The following FRMPD1 variants were observed in gnomAD, a reference collection of about 807,000 sequenced individuals.
FRMPD1 encodes FERM and PDZ domain containing 1.
In FRMPD1, 76 loss-of-function variants were observed where a neutral mutation model predicts 117.8. That is an observed-to-expected ratio of 0.65 (90% CI 0.54 to 0.78). FRMPD1 has a LOEUF of 0.78. FRMPD1 is among the 30% of genes least tolerant of loss of function. FRMPD1 has a pLI of 0.00. For missense variants in FRMPD1, 1,786 were observed against 1,964.5 expected (o/e 0.91, Z 1.72); for synonymous variants, 783 against 770.4 (o/e 1.02, Z -0.27).
chr9:37,712,755 C>A (rs1466973030), intron 5 of FRMPD1, among the ~76,000 whole-genome samples: 2 of 151,944 alleles, frequency 1.3e-5, no homozygotes, highest in Non-Finnish European at 2.9e-5. Flanking sequence ...AGAAGTAAAT[C>A]AATTAAATAT....
At chr9:37,699,924 C>CAT (rs1313155148) in intron 2 of FRMPD1, among the ~76,000 whole-genome samples, 1 of 152,094 alleles carries the variant, frequency 6.6e-6, no homozygotes, top group Non-Finnish European at 1.5e-5. Context: ...CACACATATA[C>CAT]ACACATTTTG....
rs576316095 is a variant in FRMPD1, at chr9:37,654,998, C to T, written c.-5+3904C>T. 7.4e-4 allele frequency among the ~76,000 whole-genome samples: 112 copies of T among 152,276 alleles called. 2 individuals are homozygous for T. Among genetic ancestry groups the T allele is most frequent in the African/African-American group, 2.4e-3 (99 of 41,558 alleles). On this transcript the variant is annotated intron_variant, in intron 1 of 15. Transcript: ENST00000377765. ...CTTTCCCTCCCTCCTTCCCTGCCCC[C>T]GGAGGTGCTCATTGATGCATAAAGG... is the stretch of plus-strand genomic sequence containing the variant.
intron 2 of FRMPD1, among the ~76,000 whole-genome samples, chr9:37,704,298 A>G (rs1822626047): frequency 2.6e-5 from 4 of 152,234 alleles, no homozygotes; most frequent in Admixed American, 2.6e-4. Flanking sequence ...GAAAGAATGC[A>G]AAATCTCTCA....
chr9:37,696,870 T>C (rs1822340801), intron 2 of FRMPD1, among the ~76,000 whole-genome samples: 1 of 152,228 alleles, frequency 6.6e-6, no homozygotes, highest in Non-Finnish European at 1.5e-5. Context: ...GGCATTTTTT[T>C]CCCATAAAAT....
the FRMPD1 span, among the ~76,000 whole-genome samples, chr9:37,637,975 T>TCTTTCTTTCTTTCTTTC: frequency 6.2e-5 from 6 of 97,146 alleles, 1 homozygote; most frequent in African/African-American, 2.3e-4. Context: ...TTTCTTTCTT[T>TCTTTCTTTCTTTCTTTC]CTTTCTTTCT....
In FRMPD1 at chr9:37,717,057, A is replaced by G. The variant is rs140453502; in HGVS notation, c.409-2012A>G. 2.8e-4 allele frequency among the ~76,000 whole-genome samples: 43 copies of G among 152,254 alleles called. 1 individual carries two copies. The highest frequency in any genetic ancestry group is 9.1e-4 in the African/African-American group (38 of 41,540). ...ATCAACTAGTTTATGAATCCACCTA[A>G]TGGCACTGCATCTGGCCTTTTCCAC... On this transcript the variant is annotated intron_variant, in intron 5 of 15. Transcript: ENST00000377765.
intron 7 of FRMPD1, among the ~76,000 whole-genome samples, chr9:37,725,221 C>T (rs897257388): frequency 2.0e-5 from 3 of 152,150 alleles, no homozygotes; most frequent in Non-Finnish European, 4.4e-5. Flanking sequence ...TAGATAATAT[C>T]GTATGGTGCT....
intron 7 of FRMPD1, among the ~76,000 whole-genome samples, chr9:37,729,382 CAAAAAAA>C (rs60967717): frequency 5.5e-5 from 3 of 54,716 alleles, no homozygotes; most frequent in African/African-American, 2.7e-4. Context: ...GAGACCCTCT[CAAAAAAA>C]AAAAAAAAAA....
In FRMPD1 at chr9:37,739,922, G is replaced by A. The variant is rs12554544; in HGVS notation, c.1550-156G>A. 2.6e-3 allele frequency among the ~76,000 whole-genome samples: 390 copies of A among 152,280 alleles called. 2 individuals are homozygous for A. The Middle Eastern group carries it at 0.034, about 13-fold the overall frequency. ...GAGAACATGGAAGCTGGAGTCCCTC[G>A]GATCCCGTGTTCGTCAGTATAGGAC... On this transcript the variant is annotated intron_variant, in intron 14 of 15. Transcript: ENST00000377765.
chr9:37,612,476 G>A, the FRMPD1 span, among the ~76,000 whole-genome samples: 1 of 150,024 alleles, frequency 6.7e-6, no homozygotes, highest in East Asian at 2.0e-4. Context: ...AGCCTCCCAA[G>A]TAACTGGGAT....
At position 37,707,580 on chromosome 9, in the gene FRMPD1, G is replaced by C; in HGVS notation, c.259+7G>C. The C allele has an allele frequency of 6.2e-7, 1 of 1,611,414 alleles. No homozygotes were observed. Among genetic ancestry groups the C allele is most frequent in the South Asian group, 1.1e-5 (1 of 90,784 alleles). ...GTGGTGGCTGTCACAGCAGGTAGGGGATGACTGGGAAATGAGAAAGGAGTT... is the reference window on the plus strand; with the variant it reads ...GTGGTGGCTGTCACAGCAGGTAGGGCATGACTGGGAAATGAGAAAGGAGTT... On this transcript the variant is annotated splice_region_variant and intron_variant, in intron 3 of 15. Transcript: ENST00000377765.
chr9:37,692,676 G>A lies in FRMPD1; in HGVS notation c.35G>A (p.Arg12Gln), dbSNP rs752579828. 3.0e-5 allele frequency: 48 copies of A among 1,613,632 alleles called. No homozygotes were observed. Among genetic ancestry groups the A allele is most frequent in the Middle Eastern group, 1.6e-4 (1 of 6,084 alleles). Residue 12 changes from arginine (R) to glutamine (Q), a missense_variant, in exon 2 of 16, where the codon CGG becomes CAG. By Grantham distance (43) the Arg-to-Gln change is conservative (BLOSUM62 1). Coordinates refer to ENST00000377765, the MANE Select transcript of FRMPD1 (RefSeq NM_014907.3). ...CTGGAGACCAGTTTATTCCAGACAC[G>A]GAAAGCACATAGAATAGAACAAATG... Reference protein sequence around the residue: ...EELETSLFQTRKAHRIEQMVA... With the variant: ...EELETSLFQTQKAHRIEQMVA...
chr9:37,721,504 G>GA (rs1271071618), intron 6 of FRMPD1, among the ~76,000 whole-genome samples: 1 of 152,114 alleles, frequency 6.6e-6, no homozygotes, highest in Admixed American at 6.5e-5. Context: ...CACAAATAGA[G>GA]AAAAAATGTA....
chr9:37,727,021 C>T (rs1046836521), intron 7 of FRMPD1, among the ~76,000 whole-genome samples: 6 of 152,192 alleles, frequency 3.9e-5, no homozygotes, highest in Non-Finnish European at 5.9e-5. Flanking sequence ...CATCCGGGCA[C>T]GGCGAACAAC....
At chr9:37,629,084 A>G in the FRMPD1 span, among the ~76,000 whole-genome samples, 1 of 152,192 alleles carries the variant, frequency 6.6e-6, no homozygotes, top group South Asian at 2.1e-4. Context: ...CTGTGGTCCC[A>G]GCTACTCAGG....
Position 37,740,270 on chromosome 9 carries a change from CGACA to C in FRMPD1, c.1748_1751del (p.Asp583ValfsTer34). 1.2e-6 allele frequency: 2 copies of C among 1,613,810 alleles called. No individual in the cohort carries two copies. Among genetic ancestry groups the C allele is most frequent in the Non-Finnish European group, 8.5e-7 (1 of 1,179,966 alleles). ...CCCAGCACCTGCGGGGCCAGCAGCACGACAGACAGTGCCGAGTCCGAGGCGTCCG... is the reference window on the plus strand; with the variant it reads ...CCCAGCACCTGCGGGGCCAGCAGCACGACAGTGCCGAGTCCGAGGCGTCCG... On this transcript the variant is annotated frameshift_variant, in exon 15 of 16. Coordinates refer to ENST00000377765, the MANE Select transcript of FRMPD1 (RefSeq NM_014907.3). LOFTEE classifies it high-confidence loss of function. The surrounding 1 kb of genome is among the most constrained non-coding windows in gnomAD (Gnocchi z 4.2).
At chr9:37,638,002 T>TCTC in the FRMPD1 span, among the ~76,000 whole-genome samples, 1 of 126,698 alleles carries the variant, frequency 7.9e-6, no homozygotes, top group Non-Finnish European at 1.7e-5. Context: ...CTTTCTTTCT[T>TCTC]TCTTTCTTTC....
At chr9:37,686,283 G>A (rs1821939428) in intron 1 of FRMPD1, among the ~76,000 whole-genome samples, 1 of 152,114 alleles carries the variant, frequency 6.6e-6, no homozygotes, top group South Asian at 2.1e-4. Flanking sequence ...GTGGCCAGAG[G>A]GCAGCATTGG....
In FRMPD1 at chr9:37,719,177, G is replaced by T. The variant is rs1380385104; in HGVS notation, c.516+1G>T. The T allele has an allele frequency of 6.4e-7, 1 of 1,561,902 alleles. No homozygotes were observed. Among genetic ancestry groups the T allele is most frequent in the South Asian group, 1.1e-5 (1 of 90,054 alleles). ...AGTGCTCATCAGTGGACACAGCCAGGTGTGTCACTAGTCAAGGGATTGAAA... is the reference window on the plus strand; with the variant it reads ...AGTGCTCATCAGTGGACACAGCCAGTTGTGTCACTAGTCAAGGGATTGAAA... On this transcript the variant is annotated splice_donor_variant, in intron 6 of 15. Coordinates refer to ENST00000377765, the MANE Select transcript of FRMPD1 (RefSeq NM_014907.3). LOFTEE classifies it high-confidence loss of function.
Sources: allele counts gnomAD v4.1 joint callset (sites outside exome capture counted in the v4.1 genomes callset), GRCh38; gene constraint gnomAD v4.1.1; non-coding constraint Gnocchi (gnomAD v3.1); transcripts MANE v1.5; gene names NCBI Gene and HGNC (gene_info 2026-07-23, HGNC 2026-07-21).